The following EXOSC10 variants were observed in gnomAD, a reference collection of about 807,000 sequenced individuals.
EXOSC10 encodes exosome complex component 10.
A neutral mutation model predicts 126.6 loss-of-function variants in EXOSC10; 94 were observed. That is an observed-to-expected ratio of 0.74 (90% CI 0.63 to 0.88). The LOEUF (loss-of-function observed/expected upper bound fraction) is 0.88, where lower values mean the gene tolerates loss of function less well. Ranked by LOEUF, EXOSC10 falls within the 40% of genes least tolerant of loss-of-function variation. The pLI is 0.00. For synonymous variants in EXOSC10, 395 were observed against 400.8 expected (o/e 0.99, Z 0.17); for missense variants, 1,041 against 1,100.5 (o/e 0.95, Z 0.77).
In EXOSC10 at chr1:11,095,946, G is replaced by C. The variant is rs1293113219; in HGVS notation, c.249-65C>G. 1.9e-6 allele frequency: 3 copies of C among 1,549,952 alleles called. No individual in the cohort carries two copies. The Admixed American group carries it at 5.3e-5, about 27-fold the overall frequency. On this transcript the variant is annotated intron_variant, in intron 2 of 24. Transcript: ENST00000376936. Reference sequence around the variant, plus strand: ...TTTCACTTGTTTACATTCTGTGAGAGAGAATGTTCAAATGATGTGGCTCAG... The same window carrying C: ...TTTCACTTGTTTACATTCTGTGAGACAGAATGTTCAAATGATGTGGCTCAG...
chr1:11,077,019 T>C (rs1639856654), intron 16 of EXOSC10, 71 bp from the exon 17 acceptor site: 1 of 1,158,046 alleles, frequency 8.6e-7, no homozygotes, highest in Non-Finnish European at 1.3e-6. Flanking sequence ...GAGATGGAGT[T>C]TTAGTGTAGT....
At chr1:11,091,449 T>G (rs762906759) in intron 4 of EXOSC10, 44 bp downstream of exon 4, 4 of 1,517,102 alleles carry the variant, frequency 2.6e-6, no homozygotes, top group Non-Finnish European at 3.6e-6. Flanking sequence ...ATCTCTGTTA[T>G]GAAGCTGACA....
In EXOSC10 at chr1:11,082,768, C is replaced by A; in HGVS notation, c.1200G>T (p.Arg400Ser). 6.2e-7 allele frequency: 1 copy of A among 1,614,136 alleles called. No homozygotes were observed. The highest frequency in any genetic ancestry group is 8.5e-7 in the Non-Finnish European group (1 of 1,180,022). ...GTTTCAGGAGATGATCGAGTGAGTG[C>A]CTGCCCAGGTTAAGAAGGCGTGCTG... ...HQAARLLNLG[R>S]HSLDHLLKLY... Residue 400 changes from arginine (R) to serine (S), a missense_variant, in exon 10 of 25, where the codon AGG becomes AGT. Physicochemically the swap from Arg to Ser is moderately radical, Grantham distance 110. Coordinates refer to ENST00000376936, the MANE Select transcript of EXOSC10 (RefSeq NM_001001998.3).
In EXOSC10 at chr1:11,082,865, G is replaced by A. The variant is rs576003269; in HGVS notation, c.1103C>T (p.Ala368Val). ...CTGTAGCCATTCTATGTCTGAATCA[G>A]CACCATGAAAGACCTGAAAACAGAA... is the stretch of plus-strand genomic sequence containing the variant. Reference protein sequence around the residue: ...DPAIVKVFHGADSDIEWLQKD... With the variant: ...DPAIVKVFHGVDSDIEWLQKD... The change falls in exon 10 of 25, where the codon GCT becomes GTT. Residue 368 changes from alanine to valine, a missense_variant. Ala to Val is a moderately conservative substitution (Grantham distance 64, BLOSUM62 0). Transcript: ENST00000376936. The A allele has an allele frequency of 6.2e-6, 10 of 1,613,922 alleles. No individual in the cohort carries two copies. The highest frequency in any genetic ancestry group is 8.5e-6 in the Non-Finnish European group (10 of 1,179,942).
In EXOSC10 at chr1:11,095,743, A is replaced by C; in HGVS notation, c.372+15T>G. ...ACAAAACAAAACAAAAAAAAGAGTA[A>C]GGGAAAATACTCACCACTCTCTCCA... On this transcript the variant is annotated intron_variant, in intron 3 of 24. Coordinates refer to ENST00000376936, the MANE Select transcript of EXOSC10 (RefSeq NM_001001998.3). The C allele has an allele frequency of 6.2e-7, 1 of 1,612,052 alleles. No individual in the cohort carries two copies. The highest frequency in any genetic ancestry group is 8.5e-7 in the Non-Finnish European group (1 of 1,178,526).
At position 11,068,081 on chromosome 1, in the gene EXOSC10, A is replaced by G. The variant is rs1265969677; in HGVS notation, c.2554T>C (p.Cys852Arg). ...PNKQTPSGKK[C>R]IAAKKIKQSV... Reference sequence around the variant, plus strand: ...TGTTTAATTTTTTTGGCTGCAATGCATTTCTGAAAAGAAAAGAAACCGTTT... The same window carrying G: ...TGTTTAATTTTTTTGGCTGCAATGCGTTTCTGAAAAGAAAAGAAACCGTTT... The change falls in exon 24 of 25, where the codon TGC (cysteine) becomes CGC (arginine). Residue 852 changes from cysteine (C) to arginine (R), a missense_variant. By Grantham distance (180) the Cys-to-Arg change is radical (BLOSUM62 -3). This residue lies in a region of EXOSC10 where 388 missense variants were observed against 415.2 expected (regional missense o/e 0.93). Coordinates refer to ENST00000376936, the MANE Select transcript of EXOSC10 (RefSeq NM_001001998.3). 1 of 1,614,044 alleles carries G rather than the reference A, an allele frequency of 6.2e-7. No individual in the cohort carries two copies. The highest frequency in any genetic ancestry group is 8.5e-7 in the Non-Finnish European group (1 of 1,179,942).
chr1:11,066,784 G>T, intron 24 of EXOSC10, 36 bp from the exon 25 acceptor site: 1 of 1,612,076 alleles, frequency 6.2e-7, no homozygotes, highest in African/African-American at 1.3e-5. Flanking sequence ...TATTTCTTCC[G>T]GGCTGGTTGG....
intron 23 of EXOSC10, 38 bp from the exon 24 acceptor site, chr1:11,068,122 CTTGACCACAA>C: frequency 6.4e-7 from 1 of 1,562,458 alleles, no homozygotes; most frequent in South Asian, 1.1e-5. Flanking sequence ...GGGTGGGCAC[CTTGACCACAA>C]GATACACAGA....
intron 9 of EXOSC10, among the ~76,000 whole-genome samples, chr1:11,084,563 A>G (rs1640382988): frequency 6.6e-6 from 1 of 152,012 alleles, no homozygotes; most frequent in African/African-American, 2.4e-5. Context: ...ATTTTCTCCC[A>G]TTTTGTGGGT....
Position 11,080,605 on chromosome 1 carries a change from C to T in EXOSC10, c.1587-56G>A, listed in dbSNP as rs959279367. 1.5e-5 allele frequency: 21 copies of T among 1,395,886 alleles called. No individual in the cohort carries two copies. In the East Asian group the frequency reaches 3.1e-4, roughly 20 times the overall value. 86.5% of individuals were successfully genotyped at this position (1,395,886 alleles called of 1,614,324 possible). On this transcript the variant is annotated intron_variant, in intron 12 of 24. Transcript: ENST00000376936. ...ACACACACACACACACACACACACA[C>T]GGTGGGGACACATTACATTCAGCCA...
intron 21 of EXOSC10, 84 bp downstream of exon 21, chr1:11,070,816 G>A: frequency 4.0e-6 from 5 of 1,237,530 alleles, no homozygotes; most frequent in Non-Finnish European, 4.7e-6. Context: ...CACAGGGCAA[G>A]CCCCCTAAGA....
intron 17 of EXOSC10, among the ~76,000 whole-genome samples, chr1:11,075,396 A>C: frequency 6.6e-6 from 1 of 152,128 alleles, no homozygotes; most frequent in East Asian, 1.9e-4. Context: ...TGGGTTCATA[A>C]ATATGTGCTA....
chr1:11,082,629 G>A, intron 10 of EXOSC10, 59 bp downstream of exon 10: 1 of 1,600,720 alleles, frequency 6.2e-7, no homozygotes, highest in South Asian at 1.1e-5. Flanking sequence ...CTGGACGACA[G>A]GTTAATGAAT....
In EXOSC10 at chr1:11,068,017, T is replaced by G; in HGVS notation, c.2618A>C (p.Lys873Thr). ...GCCGTCCACCACATACCTGTCTGAC[T>G]TTCCAGTTGGAAAGGACATGCTTTT... is the stretch of plus-strand genomic sequence containing the variant. ...GNKSMSFPTG[K>T]SDRGFRYNWP... Residue 873 changes from lysine (K) to threonine (T), a missense_variant, in exon 24 of 25, where the codon AAG becomes ACG. By Grantham distance (78) the Lys-to-Thr change is moderately conservative. Transcript: ENST00000376936. The G allele has an allele frequency of 6.2e-7, 1 of 1,614,188 alleles. No homozygotes were observed. The highest frequency in any genetic ancestry group is 1.1e-5 in the South Asian group (1 of 91,084).
intron 17 of EXOSC10, 87 bp from the exon 18 acceptor site, chr1:11,074,413 A>G (rs879175467): frequency 6.9e-5 from 51 of 743,118 alleles, no homozygotes; most frequent in East Asian, 2.8e-5. Context: ...GTTAACAGTG[A>G]TTTTTTTTTT....
chr1:11,094,843 A>G (rs1352064641), intron 3 of EXOSC10, among the ~76,000 whole-genome samples: 1 of 151,704 alleles, frequency 6.6e-6, no homozygotes. Flanking sequence ...TCAGGTGATC[A>G]CCCGCCTTGG....
intron 14 of EXOSC10, among the ~76,000 whole-genome samples, chr1:11,078,613 T>C (rs1639962986): frequency 6.6e-6 from 1 of 152,150 alleles, no homozygotes; most frequent in Non-Finnish European, 1.5e-5. Flanking sequence ...CTGGCTGCCA[T>C]TGTCAGCATT....
At chr1:11,079,903 G>A in intron 13 of EXOSC10, 81 bp from the exon 14 acceptor site, 5 of 1,147,450 alleles carry the variant, frequency 4.4e-6, no homozygotes, top group Non-Finnish European at 6.4e-6. Context: ...TAATGACTGG[G>A]TAAAGCCAGG....
intron 18 of EXOSC10, 51 bp downstream of exon 18, chr1:11,074,180 G>A (rs1323835162): frequency 2.7e-6 from 4 of 1,480,770 alleles, no homozygotes; most frequent in Non-Finnish European, 3.8e-6. Context: ...AGCATGTACA[G>A]CTGTAGGCAT....
Sources: gnomAD v4.1 joint callset for allele counts (sites outside exome capture counted in the v4.1 genomes callset) on GRCh38, gnomAD v4.1.1 for gene constraint, gnomAD v4.1.1 regional missense constraint, MANE v1.5 for transcripts, NCBI Gene and HGNC (gene_info 2026-07-23, HGNC 2026-07-21) for gene names.